The following BCAR3 variants were observed in gnomAD, a reference collection of about 807,000 sequenced individuals.
BCAR3 encodes the protein breast cancer anti-estrogen resistance protein 3.
In BCAR3, 37 loss-of-function variants were observed where a neutral mutation model predicts 80.1. The observed-to-expected ratio is 0.46, with a 90% CI of 0.36 to 0.61. The LOEUF (loss-of-function observed/expected upper bound fraction) is 0.61, where lower values mean the gene tolerates loss of function less well. Among genes scored for constraint, BCAR3 ranks in the 20% least tolerant of loss-of-function variants. BCAR3 has a pLI of 0.00. For missense variants in BCAR3, 978 were observed against 1,068.2 expected (o/e 0.92, Z 1.18); for synonymous variants, 389 against 418.9 (o/e 0.93, Z 0.87).
intron 2 of BCAR3, among the ~76,000 whole-genome samples, chr1:93,808,044 A>ATTT (rs1557694865): frequency 1.6e-4 from 23 of 142,712 alleles, no homozygotes; most frequent in African/African-American, 6.0e-4. Context: ...TTTTTTTTTA[A>ATTT]AAAAAAAAAA....
At chr1:93,613,769 A>G in intron 3 of BCAR3, 3 of 1,492,264 alleles carry the variant, frequency 2.0e-6, no homozygotes, top group Non-Finnish European at 2.7e-6. Context: ...ACTTTTATCT[A>G]TTGCCCTTTA....
At chr1:93,749,411 A>G (rs1170214355) in intron 2 of BCAR3, among the ~76,000 whole-genome samples, 1 of 151,896 alleles carries the variant, frequency 6.6e-6, no homozygotes, top group African/African-American at 2.4e-5. Context: ...ACATGGTGAA[A>G]CCCCGTCTCT....
intron 2 of BCAR3, among the ~76,000 whole-genome samples, chr1:93,730,248 C>T (rs1362169636): frequency 1.3e-5 from 2 of 152,146 alleles, no homozygotes. Flanking sequence ...GCCCATCCTT[C>T]ACGTCCACAG....
intron 2 of BCAR3, among the ~76,000 whole-genome samples, chr1:93,797,169 G>A (rs1325790698): frequency 1.3e-5 from 2 of 152,198 alleles, no homozygotes; most frequent in Non-Finnish European, 2.9e-5. Flanking sequence ...TTGAACCCAT[G>A]CTTTTTCTGA....
At position 93,674,818 on chromosome 1, in the gene BCAR3, C is replaced by T. The variant is rs202034375; in HGVS notation, c.113G>A (p.Arg38His). 235 of 1,604,444 alleles carry T rather than the reference C, an allele frequency of 1.5e-4. 3 individuals carry two copies. The highest frequency in any genetic ancestry group is 1.1e-3 in the South Asian group (101 of 89,610). Reference protein sequence around the residue: ...LSSRSPLAEHRPDAYQDVSIH... With the variant: ...LSSRSPLAEHHPDAYQDVSIH... ...AGACACATCTTGATAGGCATCTGGG[C>T]GATGCTCAGCGAGAGGGGACCTGCT... is the stretch of plus-strand genomic sequence containing the variant. Residue 38 changes from arginine (R) to histidine (H), a missense_variant, in exon 2 of 12, where the codon CGC (arginine) becomes CAC (histidine). Physicochemically the swap from Arg to His is conservative, Grantham distance 29 (BLOSUM62 0). Coordinates refer to ENST00000260502, the MANE Select transcript of BCAR3 (RefSeq NM_003567.4).
intron 9 of BCAR3, among the ~76,000 whole-genome samples, chr1:93,568,290 A>C (rs534022677): frequency 7.4e-4 from 112 of 152,214 alleles, no homozygotes; most frequent in Non-Finnish European, 1.2e-3. Flanking sequence ...AGCAGGGTAG[A>C]AAGAAAAAAT....
At chr1:93,810,409 C>T (rs1653802908) in intron 2 of BCAR3, among the ~76,000 whole-genome samples, 1 of 152,108 alleles carries the variant, frequency 6.6e-6, no homozygotes, top group Non-Finnish European at 1.5e-5. Flanking sequence ...GAATACTAAA[C>T]GTGGTTATGA....
chr1:93,588,268 C>T lies in BCAR3; in HGVS notation c.929+709G>A, dbSNP rs184720161. ...TCCCTCCTGGTCACTCCTGTGGTCT[C>T]CAATGTGCCCTCCTCTGACTCTACC... On this transcript the variant is annotated intron_variant, in intron 5 of 11. Coordinates refer to ENST00000260502, the MANE Select transcript of BCAR3 (RefSeq NM_003567.4). Among the ~76,000 whole-genome samples, 572 of 152,212 alleles carry T rather than the reference C, an allele frequency of 3.8e-3. 4 individuals are homozygous for T. The highest frequency in any genetic ancestry group is 0.024 in the Middle Eastern group (7 of 294).
chr1:93,782,795 A>G (rs765395411), intron 2 of BCAR3, among the ~76,000 whole-genome samples: 1 of 152,212 alleles, frequency 6.6e-6, no homozygotes, highest in Non-Finnish European at 1.5e-5. Context: ...CCTGATGGAT[A>G]GTATACGATT....
chr1:93,613,712 C>T, intron 3 of BCAR3: 1 of 1,079,482 alleles, frequency 9.3e-7, no homozygotes, highest in Non-Finnish European at 1.3e-6. Context: ...CTTGAAGACC[C>T]ATCAGTCAAA....
At chr1:93,668,247 A>G (rs1373422603) in intron 2 of BCAR3, among the ~76,000 whole-genome samples, 2 of 151,378 alleles carry the variant, frequency 1.3e-5, no homozygotes, top group South Asian at 2.1e-4. Flanking sequence ...TCTGTTAACA[A>G]TTTTTTTTTG....
rs1321415770 is a variant in BCAR3, at chr1:93,777,438, CTCT to C, written c.-63+68126_-63+68128del. Among the ~76,000 whole-genome samples, 11 of 144,300 alleles carry C rather than the reference CTCT, an allele frequency of 7.6e-5. No individual in the cohort carries two copies. The East Asian group carries it at 2.2e-3, about 29-fold the overall frequency. The allele number at this position is 144,300 out of a possible 152,430, so 94.7% of individuals were successfully genotyped here. A position where few individuals can be genotyped will look rare whatever the true frequency, so the allele number is the denominator to read the frequency against. ...CTTCCTCCTCCTCTTCCTCCTCCTCCTCTTCCTCCTCCTCCTCTTCCTCCTCCT... is the reference window on the plus strand; with the variant it reads ...CTTCCTCCTCCTCTTCCTCCTCCTCCTCCTCCTCCTCCTCTTCCTCCTCCT... On this transcript the variant is annotated intron_variant, in intron 2 of 13. Coordinates refer to the BCAR3 transcript ENST00000370244.
At chr1:93,772,184 G>A (rs1652379591) in intron 2 of BCAR3, among the ~76,000 whole-genome samples, 3 of 152,208 alleles carry the variant, frequency 2.0e-5, no homozygotes. Flanking sequence ...ATTCTATGCT[G>A]AGGGCAATGG....
chr1:93,819,800 T>A (rs911275693), intron 2 of BCAR3, among the ~76,000 whole-genome samples: 8 of 152,164 alleles, frequency 5.3e-5, no homozygotes, highest in Non-Finnish European at 1.0e-4. Flanking sequence ...GGGGTACAAA[T>A]GCAGGTTTGT....
intron 3 of BCAR3, among the ~76,000 whole-genome samples, chr1:93,613,361 C>A (rs893220121): frequency 3.3e-5 from 5 of 151,996 alleles, no homozygotes; most frequent in Non-Finnish European, 7.4e-5. Context: ...GCAGTAAAGA[C>A]AACAACAGTT....
chr1:93,613,790 G>T, intron 3 of BCAR3: 1 of 1,531,598 alleles, frequency 6.5e-7, no homozygotes. Flanking sequence ...GGAAACTCAT[G>T]CTTTCAGGGT....
At chr1:93,587,030 C>T (rs759775613) in intron 5 of BCAR3, among the ~76,000 whole-genome samples, 25 of 152,338 alleles carry the variant, frequency 1.6e-4, no homozygotes, top group East Asian at 5.8e-4. Flanking sequence ...CTGCCTCGGC[C>T]TCCCAAATTG....
rs76482895 is a variant in BCAR3 at position 93,751,104 on chromosome 1, C to T, written c.-62-44962G>A. Among the ~76,000 whole-genome samples the T allele has an allele frequency of 7.6e-3, 1,151 of 152,324 alleles. 16 individuals carry two copies. Among genetic ancestry groups the T allele is most frequent in the African/African-American group, 0.026 (1,063 of 41,576 alleles). ...GCCCTGCACACTCACCTCCCTTCAT[C>T]CTGACCAGAACTCAGGGAGGAAGTC... On this transcript the variant is annotated intron_variant, in intron 2 of 13. Transcript: ENST00000370244.
intron 3 of BCAR3, among the ~76,000 whole-genome samples, chr1:93,600,457 C>T (rs946362382): frequency 6.6e-6 from 1 of 152,250 alleles, no homozygotes; most frequent in Non-Finnish European, 1.5e-5. Flanking sequence ...AAGTGGGTTC[C>T]AAGAGTCAGC....
Sources: allele counts gnomAD v4.1 joint callset (sites outside exome capture counted in the v4.1 genomes callset), GRCh38; gene constraint gnomAD v4.1.1; transcripts MANE v1.5; gene names NCBI Gene and HGNC (gene_info 2026-07-23, HGNC 2026-07-21).